SMYD3: variants seen among roughly 807,000 people sequenced by gnomAD.
The protein encoded by SMYD3 is histone-lysine N-methyltransferase SMYD3.
Under a neutral mutation model 57.7 loss-of-function variants are expected in SMYD3, and 36 were observed. The observed-to-expected ratio is 0.62, with a 90% CI of 0.48 to 0.82. The LOEUF is 0.82. Ranked by LOEUF, SMYD3 falls within the 40% of genes least tolerant of loss-of-function variation. SMYD3 has a pLI of 0.00. For synonymous variants in SMYD3, 211 were observed against 195.0 expected (o/e 1.08, Z -0.68); for missense variants, 515 against 538.8 (o/e 0.96, Z 0.44).
intron 11 of SMYD3, 142 bp from the exon 12 acceptor site, chr1:245,749,806 G>T: frequency 1.7e-6 from 1 of 598,032 alleles, no homozygotes; most frequent in Non-Finnish European, 2.9e-6. Context: ...TTACAGCACT[G>T]TGGTTCTCCC....
At chr1:246,394,523 G>GT (rs2066624572) in intron 1 of SMYD3, among the ~76,000 whole-genome samples, 1 of 152,204 alleles carries the variant, frequency 6.6e-6, no homozygotes, top group Non-Finnish European at 1.5e-5. Context: ...GGATTTCACT[G>GT]GAACACAGGC....
chr1:246,328,358 G>A (rs1343584542), intron 4 of SMYD3, among the ~76,000 whole-genome samples: 2 of 152,166 alleles, frequency 1.3e-5, no homozygotes, highest in Non-Finnish European at 2.9e-5. Flanking sequence ...GGATACAACA[G>A]GTCAATTAAT....
intron 5 of SMYD3, among the ~76,000 whole-genome samples, chr1:246,094,966 G>C (rs2060887896): frequency 6.6e-6 from 1 of 151,962 alleles, no homozygotes; most frequent in Non-Finnish European, 1.5e-5. Context: ...GCCCCGCATT[G>C]GTATCTCTAT....
At chr1:246,082,738 T>C (rs1019262727) in intron 5 of SMYD3, among the ~76,000 whole-genome samples, 3 of 152,166 alleles carry the variant, frequency 2.0e-5, no homozygotes, top group Non-Finnish European at 4.4e-5. Context: ...TAGAGAGAAG[T>C]AGACATAAGA....
At chr1:246,275,268 C>T (rs947738477) in intron 5 of SMYD3, among the ~76,000 whole-genome samples, 7 of 152,240 alleles carry the variant, frequency 4.6e-5, no homozygotes, top group Non-Finnish European at 7.3e-5. Flanking sequence ...CATACAAGAA[C>T]GGCATGGCTC....
intron 4 of SMYD3, among the ~76,000 whole-genome samples, chr1:246,328,577 C>A (rs922376507): frequency 6.6e-6 from 1 of 151,972 alleles, no homozygotes; most frequent in Non-Finnish European, 1.5e-5. Flanking sequence ...TATGCATATC[C>A]TTTAGATTAC....
rs532709586 is a variant in SMYD3, at chr1:246,357,240, A to C, written c.165-2146T>G. On this transcript the variant is annotated intron_variant, in intron 1 of 11. Transcript: ENST00000490107. ...TGGAAGTCGGCACACAATACAGGTC[A>C]TAAGTACCCTGCTGATAAAACAGGT... is the stretch of plus-strand genomic sequence containing the variant. Among the ~76,000 whole-genome samples the C allele has an allele frequency of 3.3e-5, 5 of 152,332 alleles. No individual in the cohort carries two copies. In the South Asian group the frequency reaches 1.0e-3, roughly 32 times the overall value.
At chr1:246,106,995 A>C (rs959547587) in intron 5 of SMYD3, among the ~76,000 whole-genome samples, 1 of 152,192 alleles carries the variant, frequency 6.6e-6, no homozygotes, top group Non-Finnish European at 1.5e-5. Flanking sequence ...GGCATATAAT[A>C]GGCTCTTAAA....
At chr1:246,106,709 G>A (rs2061129314) in intron 5 of SMYD3, among the ~76,000 whole-genome samples, 1 of 152,160 alleles carries the variant, frequency 6.6e-6, no homozygotes, top group Non-Finnish European at 1.5e-5. Context: ...TCCAACTGAG[G>A]TCTAGTCTCT....
intron 5 of SMYD3, among the ~76,000 whole-genome samples, chr1:246,063,494 T>C (rs2060287701): frequency 6.6e-6 from 1 of 152,068 alleles, no homozygotes; most frequent in Admixed American, 6.5e-5. Flanking sequence ...TTGCTAAATG[T>C]CAGCCAAGGG....
At chr1:246,177,433 C>G (rs2062452912) in intron 5 of SMYD3, among the ~76,000 whole-genome samples, 1 of 152,140 alleles carries the variant, frequency 6.6e-6, no homozygotes, top group Non-Finnish European at 1.5e-5. Flanking sequence ...TGGCAGCCTA[C>G]TGAATAAATA....
chr1:246,299,257 TG>T (rs2148610382), intron 5 of SMYD3, among the ~76,000 whole-genome samples: 1 of 152,268 alleles, frequency 6.6e-6, no homozygotes, highest in African/African-American at 2.4e-5. Context: ...TCAACATCAC[TG>T]ATCATTAGAG....
intron 5 of SMYD3, among the ~76,000 whole-genome samples, chr1:246,112,663 T>C (rs541706443): frequency 6.6e-6 from 1 of 152,282 alleles, no homozygotes; most frequent in Non-Finnish European, 1.5e-5. Flanking sequence ...AAGCTTAGAA[T>C]AGTAGTATTT....
chr1:245,867,661 T>TGC (rs879534821), intron 8 of SMYD3, among the ~76,000 whole-genome samples: 13 of 83,596 alleles, frequency 1.6e-4, no homozygotes, highest in African/African-American at 4.7e-4. Flanking sequence ...TGCGTGTGCG[T>TGC]GCGCGCGCAC....
At chr1:246,156,315 TG>T (rs1423957314) in intron 5 of SMYD3, among the ~76,000 whole-genome samples, 1 of 152,132 alleles carries the variant, frequency 6.6e-6, no homozygotes, top group Non-Finnish European at 1.5e-5. Context: ...ATCCTGCCCC[TG>T]GGATGTTGAT....
chr1:245,944,538 T>A (rs2057369332), intron 5 of SMYD3, among the ~76,000 whole-genome samples: 1 of 152,132 alleles, frequency 6.6e-6, no homozygotes. Flanking sequence ...ATAGGAGAAA[T>A]CTTTATTATG....
intron 5 of SMYD3, among the ~76,000 whole-genome samples, chr1:245,936,239 T>C (rs1291807797): frequency 6.6e-6 from 1 of 152,218 alleles, no homozygotes; most frequent in Non-Finnish European, 1.5e-5. Context: ...GATAATTCTA[T>C]AAATTTGTCT....
intron 5 of SMYD3, among the ~76,000 whole-genome samples, chr1:246,155,715 C>T (rs112799632): frequency 9.6e-4 from 146 of 152,254 alleles, no homozygotes; most frequent in African/African-American, 3.3e-3. Flanking sequence ...TACAGGGGCT[C>T]GTGCCTGTAA....
chr1:246,302,466 C>T (rs1335587084), intron 5 of SMYD3, among the ~76,000 whole-genome samples: 1 of 152,026 alleles, frequency 6.6e-6, no homozygotes, highest in Non-Finnish European at 1.5e-5. Flanking sequence ...CTGAAAACTG[C>T]AGTGGGTTTT....
Sources: allele counts gnomAD v4.1 joint callset (sites outside exome capture counted in the v4.1 genomes callset), GRCh38; gene constraint gnomAD v4.1.1; transcripts MANE v1.5; gene names NCBI Gene and HGNC (gene_info 2026-07-23, HGNC 2026-07-21).